PRMT8: variants seen among roughly 807,000 people sequenced by gnomAD.
The protein encoded by PRMT8 is protein arginine N-methyltransferase 8.
A neutral mutation model predicts 47.1 loss-of-function variants in PRMT8; 7 were observed. That is an observed-to-expected ratio of 0.15 (90% CI 0.08 to 0.28). PRMT8 has a LOEUF of 0.28. Ranked by LOEUF, PRMT8 falls within the 10% of genes least tolerant of loss-of-function variation. PRMT8 has a pLI of 1.00. For missense variants in PRMT8, 237 were observed against 505.4 expected, an observed-to-expected ratio of 0.47 and a Z score of 5.09; for synonymous variants, 188 against 186.5, an observed-to-expected ratio of 1.01 and a Z score of -0.07.
chr12:3,454,255 C>G lies in PRMT8; in HGVS notation c.48+72813C>G, dbSNP rs142333770. Among the ~76,000 whole-genome samples the G allele has an allele frequency of 3.1e-3, 464 of 151,404 alleles. 4 individuals are homozygous for G. Among genetic ancestry groups the G allele is most frequent in the African/African-American group, 0.011 (443 of 41,408 alleles). The stretch of plus-strand genomic sequence containing the variant: ...GAAGCCGCTTCTTCTGACTCCCTGA[C>G]GGGGAGCCTGCGGATGGATTCCCAG... On this transcript the variant is annotated intron_variant, in intron 1 of 9. Transcript: ENST00000452611.
At chr12:3,432,540 G>A (rs1469278124) in intron 1 of PRMT8, among the ~76,000 whole-genome samples, 1 of 152,164 alleles carries the variant, frequency 6.6e-6, no homozygotes, top group Admixed American at 6.5e-5. Context: ...ACTCCCGAGA[G>A]GGAAATCTGC....
intron 1 of PRMT8, among the ~76,000 whole-genome samples, chr12:3,397,813 G>T (rs900752671): frequency 6.6e-6 from 1 of 152,084 alleles, no homozygotes; most frequent in Non-Finnish European, 1.5e-5. Context: ...CCCCAGCCTC[G>T]CTGCCGCCTT....
chr12:3,581,715 C>T (rs1288025671), intron 7 of PRMT8, among the ~76,000 whole-genome samples: 1 of 152,170 alleles, frequency 6.6e-6, no homozygotes, highest in Non-Finnish European at 1.5e-5. Flanking sequence ...CCTACAATCT[C>T]ACCTTCTTCC....
rs754361605 is a variant in PRMT8 at position 3,553,485 on chromosome 12, G to T, written c.418-166G>T. On this transcript the variant is annotated intron_variant, in intron 3 of 9. Transcript: ENST00000382622. Reference sequence around the variant, plus strand: ...TTTCGTGGAAGGCCGCTGGCCTTGAGGTGGGGGGGCTGGGTTTCGGTTTTC... The same window carrying T: ...TTTCGTGGAAGGCCGCTGGCCTTGATGTGGGGGGGCTGGGTTTCGGTTTTC... The T allele has an allele frequency of 5.8e-4, 374 of 645,332 alleles. 5 individuals are homozygous for T. Among genetic ancestry groups the T allele is most frequent in the Middle Eastern group, 2.6e-4 (1 of 3,796 alleles). 40.0% of individuals were successfully genotyped at this position (645,332 alleles called of 1,614,324 possible).
In PRMT8 at chr12:3,593,414, A is replaced by G. The variant is rs935817038; in HGVS notation, c.*232A>G. On this transcript the variant is annotated 3_prime_UTR_variant, in exon 10 of 10. Coordinates refer to ENST00000382622, the MANE Select transcript of PRMT8 (RefSeq NM_019854.5). This position sits in a 1 kb window ranked among gnomAD's most constrained non-coding sequence, Gnocchi z 4.8. ...CCTTCACGAAGGCTTTGTGTTGCCA[A>G]CAAAGAGCGACCTGGCGTGCTGTGG... 1.7e-5 allele frequency: 9 copies of G among 517,142 alleles called. No individual in the cohort carries two copies. In the East Asian group the frequency reaches 2.5e-4, roughly 14 times the overall value. The allele number at this position is 517,142 out of a possible 1,614,324, so 32.0% of individuals were successfully genotyped here.
intron 1 of PRMT8, 101 bp downstream of exon 1, chr12:3,491,801 T>C (rs757609): frequency 1 from 1,305,220 of 1,310,970 alleles, 649,966 homozygotes; most frequent in East Asian, 1. Flanking sequence ...CTTTCCCCAG[T>C]TTCATCCCGC....
intron 1 of PRMT8, among the ~76,000 whole-genome samples, chr12:3,441,159 C>T (rs926490841): frequency 6.6e-6 from 1 of 152,154 alleles, no homozygotes; most frequent in African/African-American, 2.4e-5. Context: ...ATTGCTCTCA[C>T]AAATAATATG....
intron 1 of PRMT8, among the ~76,000 whole-genome samples, chr12:3,424,725 T>C (rs1258375772): frequency 6.6e-6 from 1 of 152,128 alleles, no homozygotes; most frequent in Admixed American, 6.5e-5. Context: ...ATTAAAGAAA[T>C]AATTTCCTTT....
intron 1 of PRMT8, among the ~76,000 whole-genome samples, chr12:3,404,368 T>C (rs1198217885): frequency 6.6e-6 from 1 of 152,252 alleles, no homozygotes; most frequent in African/African-American, 2.4e-5. Context: ...TCTTGCTATA[T>C]GTAGTATTCT....
At chr12:3,519,791 A>T (rs1306790385) in intron 1 of PRMT8, among the ~76,000 whole-genome samples, 1 of 152,150 alleles carries the variant, frequency 6.6e-6, no homozygotes, top group Non-Finnish European at 1.5e-5. Flanking sequence ...GCAGGGTTGG[A>T]TGGGGACTGT....
rs1460173801 is a variant in PRMT8 at position 3,492,597 on chromosome 12, G to T, written c.75+897G>T. ...CCCTGAGCCGCAGAGAGCCCTGCTG[G>T]GCTTTGCGTCCCGAGACTCGAGGCT... On this transcript the variant is annotated intron_variant, in intron 1 of 9. Transcript: ENST00000382622. This position sits in a 1 kb window ranked among gnomAD's most constrained non-coding sequence, Gnocchi z 7.5. Among the ~76,000 whole-genome samples the T allele has an allele frequency of 3.9e-5, 6 of 152,180 alleles. No homozygotes were observed. The highest frequency in any genetic ancestry group is 3.9e-4 in the Admixed American group (6 of 15,282).
intron 1 of PRMT8, 57 bp downstream of exon 1, chr12:3,491,757 GCGC>G (rs1230882766): frequency 8.4e-6 from 13 of 1,541,150 alleles, no homozygotes; most frequent in African/African-American, 2.8e-5. Flanking sequence ...CCGGACCACC[GCGC>G]CGCCGCCGCC....
At chr12:3,437,395 T>C (rs1235276081) in intron 1 of PRMT8, among the ~76,000 whole-genome samples, 1 of 151,890 alleles carries the variant, frequency 6.6e-6, no homozygotes, top group East Asian at 1.9e-4. Context: ...GGCTCAGGGG[T>C]ACATGTGCAG....
intron 1 of PRMT8, among the ~76,000 whole-genome samples, chr12:3,432,163 G>A (rs1249329040): frequency 1.3e-5 from 2 of 152,220 alleles, no homozygotes; most frequent in African/African-American, 4.8e-5. Flanking sequence ...CAGAGGCCTG[G>A]TGTGGCTGAG....
Position 3,527,545 on chromosome 12 carries a change from T to C in PRMT8, c.76-13061T>C, listed in dbSNP as rs564129044. 1.2e-4 allele frequency among the ~76,000 whole-genome samples: 18 copies of C among 152,274 alleles called. No homozygotes were observed. The South Asian group carries it at 3.7e-3, about 32-fold the overall frequency. On this transcript the variant is annotated intron_variant, in intron 1 of 9. Coordinates refer to ENST00000382622, the MANE Select transcript of PRMT8 (RefSeq NM_019854.5). ...ACTGAAACCATGAAGAGCAAAGCCA[T>C]AGATAAAGGGAGACTACTGTATAGA...
intron 1 of PRMT8, among the ~76,000 whole-genome samples, chr12:3,470,388 C>G (rs1219245747): frequency 6.6e-6 from 1 of 152,138 alleles, no homozygotes; most frequent in Non-Finnish European, 1.5e-5. Context: ...AGTGCTGAGT[C>G]CAGGTGGAGG....
rs368120539 is a variant in PRMT8, at chr12:3,569,469, A to G, written c.625-8A>G. ...TACGAGACCCATTTCCCCACAATTC[A>G]TCAACAGAAACCTGGAGGGCTTATG... On this transcript the variant is annotated splice_polypyrimidine_tract_variant and splice_region_variant and intron_variant, in intron 5 of 9. Coordinates refer to ENST00000382622, the MANE Select transcript of PRMT8 (RefSeq NM_019854.5). The surrounding 1 kb of genome is among the most constrained non-coding windows in gnomAD (Gnocchi z 8.2). 35 of 1,612,902 alleles carry G rather than the reference A, an allele frequency of 2.2e-5. No homozygotes were observed. Among genetic ancestry groups the G allele is most frequent in the Non-Finnish European group, 3.0e-5 (35 of 1,178,974 alleles).
chr12:3,450,121 G>A (rs781430905), intron 1 of PRMT8, among the ~76,000 whole-genome samples: 17 of 152,284 alleles, frequency 1.1e-4, no homozygotes, highest in Middle Eastern at 3.4e-3. Context: ...AGTTGAAAGC[G>A]TATCTTAATA....
At chr12:3,591,620 C>T (rs1327999011) in intron 8 of PRMT8, among the ~76,000 whole-genome samples, 1 of 152,092 alleles carries the variant, frequency 6.6e-6, no homozygotes, top group African/African-American at 2.4e-5. Flanking sequence ...TCTTGAACTC[C>T]TGGGCTCAAC....
Sources: allele counts gnomAD v4.1 joint callset (sites outside exome capture counted in the v4.1 genomes callset), GRCh38; gene constraint gnomAD v4.1.1; non-coding constraint Gnocchi (gnomAD v3.1); transcripts MANE v1.5; gene names NCBI Gene and HGNC (gene_info 2026-07-23, HGNC 2026-07-21).